The following ACVR2B variants were observed in gnomAD, a reference collection of about 807,000 sequenced individuals.
The protein encoded by ACVR2B is activin receptor type-2B.
A neutral mutation model predicts 65.1 loss-of-function variants in ACVR2B; 18 were observed. That is an observed-to-expected ratio of 0.28 (90% confidence interval 0.19 to 0.41). ACVR2B has a LOEUF of 0.41. ACVR2B is among the 10% of genes least tolerant of loss of function. The probability of loss-of-function intolerance (pLI) is 1.00; values close to 1 mark genes in which losing one functional copy is unlikely to be tolerated. For missense variants in ACVR2B, 482 were observed against 682.7 expected (o/e 0.71, Z 3.28); for synonymous variants, 298 against 277.7 (o/e 1.07, Z -0.73).
chr3:38,456,502 A>G (rs774789174), intron 1 of ACVR2B, among the ~76,000 whole-genome samples: 1 of 152,240 alleles, frequency 6.6e-6, no homozygotes, highest in Non-Finnish European at 1.5e-5. Flanking sequence ...AAGGAAGAAG[A>G]AACAGCTGTG....
Position 38,454,237 on chromosome 3 carries a change from A to G in ACVR2B, c.-86A>G. On this transcript the variant is annotated 5_prime_UTR_variant, in exon 1 of 11. Transcript: ENST00000352511. The stretch of plus-strand genomic sequence containing the variant: ...AAGGAAGGAGCGGGAAGGAGAGCGC[A>G]GCCGCCGCCTGGCCCTGCGCGCCCC... The G allele has an allele frequency of 9.9e-7, 1 of 1,010,034 alleles. No individual in the cohort carries two copies. Among genetic ancestry groups the G allele is most frequent in the Admixed American group, 4.8e-5 (1 of 20,862 alleles). The allele number at this position is 1,010,034 out of a possible 1,614,324, so 62.6% of individuals were successfully genotyped here.
intron 5 of ACVR2B, among the ~76,000 whole-genome samples, 188 bp from the exon 6 acceptor site, chr3:38,478,940 G>T (rs1405740360): frequency 6.6e-6 from 1 of 151,742 alleles, no homozygotes; most frequent in Non-Finnish European, 1.5e-5. Context: ...ATGCTCTGGG[G>T]CCTAGCTTAA....
chr3:38,458,704 G>A (rs1231081013), intron 1 of ACVR2B, among the ~76,000 whole-genome samples: 1 of 152,132 alleles, frequency 6.6e-6, no homozygotes, highest in African/African-American at 2.4e-5. Context: ...TCCACTCACG[G>A]ATACTGACCT....
chr3:38,466,507 C>CTTTT (rs71085326), intron 1 of ACVR2B, among the ~76,000 whole-genome samples: 6 of 143,826 alleles, frequency 4.2e-5, no homozygotes, highest in Admixed American at 6.9e-5. Context: ...ACCAAAACTT[C>CTTTT]TTTTTTTTTT....
chr3:38,455,119 T>C (rs1047095117), intron 1 of ACVR2B, among the ~76,000 whole-genome samples: 1 of 152,200 alleles, frequency 6.6e-6, no homozygotes, highest in East Asian at 1.9e-4. Context: ...TGCGGGCGTG[T>C]GGCTGGAGGT....
intron 1 of ACVR2B, chr3:38,454,900 C>T (rs1709517851): frequency 1.3e-5 from 2 of 152,208 alleles, no homozygotes; most frequent in Non-Finnish European, 2.9e-5. Context: ...ACCGGCCCGG[C>T]GGGCTGTTGG....
chr3:38,490,802 C>G lies in ACVR2B; in HGVS notation c.*7470C>G, dbSNP rs141499590. On this transcript the variant is annotated 3_prime_UTR_variant, in exon 11 of 11. Coordinates refer to ENST00000352511, the MANE Select transcript of ACVR2B (RefSeq NM_001106.4). The stretch of plus-strand genomic sequence containing the variant: ...CGTGGGCACTTGTTTTAAAGCAAAA[C>G]TCTTCCCAAGGACTGAAGAAAGGGC... The G allele has an allele frequency of 6.5e-6, 1 of 152,786 alleles. No individual in the cohort carries two copies. Among genetic ancestry groups the G allele is most frequent in the East Asian group, 1.9e-4 (1 of 5,184 alleles). 9.5% of individuals were successfully genotyped at this position (152,786 alleles called of 1,614,324 possible).
Position 38,483,149 on chromosome 3 carries a change from G to A in ACVR2B, c.1356G>A (p.Gln452=). The change falls in exon 11 of 11, where the codon CAG becomes CAA. Residue 452 remains glutamine (Q), a synonymous_variant. Transcript: ENST00000352511. This position sits in a 1 kb window ranked among gnomAD's most constrained non-coding sequence, Gnocchi z 4.8. ...CCTATGCTGCTTAGGGCCTGGCCCAGCTTTGTGTGACCATCGAGGAGTGCT... is the reference window on the plus strand; with the variant it reads ...CCTATGCTGCTTAGGGCCTGGCCCAACTTTGTGTGACCATCGAGGAGTGCT... ...DHWLKHPGLA[Q]LCVTIEECWD... 6.2e-7 allele frequency: 1 copy of A among 1,614,212 alleles called. No homozygotes were observed. Among genetic ancestry groups the A allele is most frequent in the Non-Finnish European group, 8.5e-7 (1 of 1,180,034 alleles).
intron 1 of ACVR2B, chr3:38,476,490 C>T (rs1210445589): frequency 6.6e-6 from 1 of 152,492 alleles, no homozygotes; most frequent in Non-Finnish European, 1.5e-5. Flanking sequence ...ACGCAGGCCT[C>T]ATTCCTTAAG....
At position 38,486,230 on chromosome 3, in the gene ACVR2B, T is replaced by C. The variant is rs1710117940; in HGVS notation, c.*2898T>C. ...GATTGTGTGTCAGGAGATGGTACCT[T>C]TTTGGTGTGGCTGGGGAGGAGTGTG... On this transcript the variant is annotated 3_prime_UTR_variant, in exon 11 of 11. Coordinates refer to ENST00000352511, the MANE Select transcript of ACVR2B (RefSeq NM_001106.4). 1 of 152,194 alleles carries C rather than the reference T, an allele frequency of 6.6e-6. No individual in the cohort carries two copies. The highest frequency in any genetic ancestry group is 1.5e-5 in the Non-Finnish European group (1 of 68,120). The allele number at this position is 152,194 out of a possible 1,614,324, so 9.4% of individuals were successfully genotyped here.
At chr3:38,480,717 T>C (rs922807860) in intron 7 of ACVR2B, among the ~76,000 whole-genome samples, 4 of 152,240 alleles carry the variant, frequency 2.6e-5, no homozygotes, top group Non-Finnish European at 5.9e-5. Context: ...CTCTGCTATA[T>C]GGCTCAACTT....
At position 38,491,874 on chromosome 3, in the gene ACVR2B, A is replaced by C. The variant is rs1298822810; in HGVS notation, c.*8542A>C. 6.6e-6 allele frequency: 1 copy of C among 152,206 alleles called. No homozygotes were observed. Among genetic ancestry groups the C allele is most frequent in the Non-Finnish European group, 1.5e-5 (1 of 68,042 alleles). 9.4% of individuals were successfully genotyped at this position (152,206 alleles called of 1,614,324 possible). A position where few individuals can be genotyped will look rare whatever the true frequency, so the allele number is the denominator to read the frequency against. ...AAATATATTTCTAGATTTCAGTTCC[A>C]CACCACAAATCCACAACAATGCCAT... On this transcript the variant is annotated 3_prime_UTR_variant, in exon 11 of 11. Transcript: ENST00000352511.
At chr3:38,473,709 G>A (rs2268760) in intron 1 of ACVR2B, 10,006 of 152,348 alleles carry the variant, frequency 0.066, 480 homozygotes, top group East Asian at 0.19. Flanking sequence ...GGTTGTGGCT[G>A]TAATATAGCC....
chr3:38,464,196 C>T (rs1017982252), intron 1 of ACVR2B, among the ~76,000 whole-genome samples: 2 of 152,218 alleles, frequency 1.3e-5, no homozygotes. Context: ...AAAGTGAATT[C>T]TGTTTTCCTC....
chr3:38,467,443 C>CAA (rs879791999), intron 1 of ACVR2B, among the ~76,000 whole-genome samples: 10 of 129,030 alleles, frequency 7.8e-5, no homozygotes, highest in African/African-American at 2.2e-4. Flanking sequence ...AACTCTGTCT[C>CAA]AAAAAAAAAA....
intron 1 of ACVR2B, among the ~76,000 whole-genome samples, chr3:38,457,674 G>T (rs945063599): frequency 3.3e-5 from 5 of 152,202 alleles, no homozygotes; most frequent in Non-Finnish European, 5.9e-5. Context: ...TGGGGGTGGG[G>T]TAAACAGTAT....
rs890359144 is a variant in ACVR2B at position 38,454,328 on chromosome 3, G to A, written c.6G>A (p.Thr2=). The change falls in exon 1 of 11, where the codon ACG becomes ACA. Residue 2 remains threonine, a synonymous_variant. Coordinates refer to ENST00000352511, the MANE Select transcript of ACVR2B (RefSeq NM_001106.4). ...GCGGGGCGGCGCCGCGGAACATGAC[G>A]GCGCCCTGGGTGGCCCTCGCCCTCC... is the stretch of plus-strand genomic sequence containing the variant. The part of the protein sequence containing the change: M[T]APWVALALLW... 2.3e-6 allele frequency: 3 copies of A among 1,298,160 alleles called. No homozygotes were observed. Among genetic ancestry groups the A allele is most frequent in the Non-Finnish European group, 2.9e-6 (3 of 1,023,126 alleles). 80.4% of individuals were successfully genotyped at this position (1,298,160 alleles called of 1,614,324 possible).
rs1287868237 is a variant in ACVR2B, at chr3:38,454,275, C to T, written c.-48C>T. On this transcript the variant is annotated 5_prime_UTR_variant, in exon 1 of 11. Transcript: ENST00000352511. ...CCCTGCGCGCCCCGGGAGCGCCGTG[C>T]GGCCCTGCCCGCGGGCTCCGGGTGT... The T allele has an allele frequency of 8.2e-7, 1 of 1,215,298 alleles. No homozygotes were observed. Among genetic ancestry groups the T allele is most frequent in the Non-Finnish European group, 1.0e-6 (1 of 977,956 alleles). The allele number at this position is 1,215,298 out of a possible 1,614,324, so 75.3% of individuals were successfully genotyped here. A position where few individuals can be genotyped will look rare whatever the true frequency, so the allele number is the denominator to read the frequency against.
intron 1 of ACVR2B, among the ~76,000 whole-genome samples, chr3:38,471,464 A>G (rs769393939): frequency 2.0e-5 from 3 of 151,076 alleles, no homozygotes; most frequent in Non-Finnish European, 3.0e-5. Flanking sequence ...TGATCTTTAG[A>G]CTCTATGACC....
Sources: allele counts gnomAD v4.1 joint callset (sites outside exome capture counted in the v4.1 genomes callset), GRCh38; gene constraint gnomAD v4.1.1; non-coding constraint Gnocchi (gnomAD v3.1); transcripts MANE v1.5; gene names NCBI Gene and HGNC (gene_info 2026-07-23, HGNC 2026-07-21).